The following IARS1 variants were observed in gnomAD, a reference collection of about 807,000 sequenced individuals.
IARS1 encodes isoleucine--tRNA ligase, cytoplasmic.
IARS1 carries 124 observed loss-of-function variants against 168.2 expected under a neutral mutation model. The ratio of observed to expected loss-of-function variants is 0.74; its 90% confidence interval spans 0.64 to 0.86. The LOEUF (loss-of-function observed/expected upper bound fraction) is 0.86. IARS1 is among the 40% of genes least tolerant of loss of function. IARS1 has a pLI of 0.00. For synonymous variants in IARS1, 532 were observed against 529.4 expected, an observed-to-expected ratio of 1.00 and a Z score of -0.07; for missense variants, 1,452 against 1,515.8, an observed-to-expected ratio of 0.96 and a Z score of 0.70.
At chr9:92,292,337 C>T (rs72750468) in intron 1 of IARS1, 4,670 of 152,498 alleles carry the variant, frequency 0.031, 114 homozygotes, top group South Asian at 0.08. Context: ...CTATGCCTGG[C>T]CAGCTCATTC....
At chr9:92,252,012 G>C (rs1176303136) in intron 21 of IARS1, 127 bp from the exon 22 acceptor site, 1 of 721,912 alleles carries the variant, frequency 1.4e-6, no homozygotes, top group Non-Finnish European at 2.3e-6. Context: ...ATGAGACAGA[G>C]AAAGGAGAAA....
At chr9:92,283,283 C>A (rs1298682269) in intron 6 of IARS1, among the ~76,000 whole-genome samples, 1 of 152,176 alleles carries the variant, frequency 6.6e-6, no homozygotes, top group East Asian at 1.9e-4. Context: ...CCTGAAAAGC[C>A]TAAAATATTT....
intron 17 of IARS1, 46 bp from the exon 18 acceptor site, chr9:92,260,280 A>C: frequency 8.7e-7 from 1 of 1,147,990 alleles, no homozygotes; most frequent in Middle Eastern, 1.9e-4. Flanking sequence ...TCAATATCAC[A>C]GATGATCTTG....
chr9:92,223,237 C>T, intron 32 of IARS1, 109 bp downstream of exon 32: 1 of 1,069,794 alleles, frequency 9.3e-7, no homozygotes, highest in South Asian at 2.6e-5. Flanking sequence ...AGAGCCCACA[C>T]TTTAAAGCAA....
intron 13 of IARS1, among the ~76,000 whole-genome samples, chr9:92,268,568 C>T (rs1162837484): frequency 1.3e-5 from 2 of 152,328 alleles, no homozygotes; most frequent in East Asian, 3.9e-4. Context: ...CTGCCACATA[C>T]CTCTAACCAG....
At chr9:92,219,918 G>A (rs1216974274) in intron 33 of IARS1, among the ~76,000 whole-genome samples, 1 of 151,964 alleles carries the variant, frequency 6.6e-6, no homozygotes, top group African/African-American at 2.4e-5. Flanking sequence ...CCATTACTGG[G>A]TACATACCCA....
At chr9:92,229,592 T>C (rs1264344431) in intron 30 of IARS1, among the ~76,000 whole-genome samples, 2 of 152,218 alleles carry the variant, frequency 1.3e-5, no homozygotes, top group African/African-American at 4.8e-5. Context: ...ACCCCTGATG[T>C]TGATTTATTC....
At chr9:92,239,504 T>A (rs907428422) in intron 30 of IARS1, among the ~76,000 whole-genome samples, 4 of 152,200 alleles carry the variant, frequency 2.6e-5, no homozygotes, top group Non-Finnish European at 5.9e-5. Context: ...TTGATTATGA[T>A]ATATGTAGAT....
chr9:92,253,697 T>C (rs561102325), intron 20 of IARS1: 20 of 533,206 alleles, frequency 3.8e-5, no homozygotes, highest in South Asian at 9.4e-5. Flanking sequence ...CGAATTCCCA[T>C]TGGTCAGTGA....
rs879378295 is a variant in IARS1 at position 92,287,897 on chromosome 9, T to G, written c.290A>C (p.Asp97Ala). The part of the protein sequence containing the change: ...CHGLPVEYEI[D>A]KTLGIRGPED... ...TGGTCCTCTGATTCCCAGTGTCTTA[T>G]CAATTTCATATTCCTGAAAATTTGT... Residue 97 changes from aspartate (D) to alanine (A), a missense_variant, in exon 4 of 34, where the codon GAT becomes GCT. Asp to Ala is a moderately radical substitution (Grantham distance 126, BLOSUM62 -2). Coordinates refer to ENST00000443024, the MANE Select transcript of IARS1 (RefSeq NM_002161.6). 1 of 1,613,904 alleles carries G rather than the reference T, an allele frequency of 6.2e-7. No homozygotes were observed.
intron 5 of IARS1, among the ~76,000 whole-genome samples, chr9:92,286,291 T>C (rs1835447138): frequency 6.6e-6 from 1 of 152,180 alleles, no homozygotes; most frequent in African/African-American, 2.4e-5. Flanking sequence ...CGCTTGAACC[T>C]GAGAGGCGGA....
chr9:92,273,836 G>GTGCTACACCA (rs1233464829), intron 10 of IARS1, among the ~76,000 whole-genome samples: 1 of 152,194 alleles, frequency 6.6e-6, no homozygotes, highest in Non-Finnish European at 1.5e-5. Context: ...GTGTATGTAG[G>GTGCTACACCA]TGCTACACCA....
At chr9:92,270,355 A>C (rs1341038709) in intron 12 of IARS1, among the ~76,000 whole-genome samples, 3 of 152,208 alleles carry the variant, frequency 2.0e-5, no homozygotes, top group Non-Finnish European at 4.4e-5. Context: ...GGTTAAAATC[A>C]TATTAAATTT....
At chr9:92,290,488 G>A (rs886616615) in intron 1 of IARS1, among the ~76,000 whole-genome samples, 7 of 151,956 alleles carry the variant, frequency 4.6e-5, no homozygotes, top group African/African-American at 1.7e-4. Flanking sequence ...CTGTTCTGTG[G>A]GCCGTCTTTT....
At chr9:92,256,564 A>T in intron 20 of IARS1, 116 bp downstream of exon 20, 1 of 1,095,338 alleles carries the variant, frequency 9.1e-7, no homozygotes, top group East Asian at 2.5e-5. Flanking sequence ...GAGAGGTAAA[A>T]GGAAACAATT....
intron 30 of IARS1, among the ~76,000 whole-genome samples, chr9:92,236,433 G>A (rs1249969710): frequency 1.3e-5 from 2 of 152,142 alleles, no homozygotes; most frequent in Admixed American, 6.5e-5. Context: ...AGTGAAACTG[G>A]GCCTGGAGAT....
chr9:92,247,599 T>C (rs750985631), intron 25 of IARS1, 48 bp from the exon 26 acceptor site: 12 of 1,549,852 alleles, frequency 7.7e-6, no homozygotes, highest in Non-Finnish European at 1.1e-5. Context: ...TGAAAACATA[T>C]GTTCACACAA....
In IARS1 at chr9:92,264,966, C is replaced by T; in HGVS notation, c.1663G>A (p.Asp555Asn). 1 of 1,614,098 alleles carries T rather than the reference C, an allele frequency of 6.2e-7. No individual in the cohort carries two copies. The highest frequency in any genetic ancestry group is 8.5e-7 in the Non-Finnish European group (1 of 1,179,984). The change falls in exon 16 of 34, where the codon GAT becomes AAT. Residue 555 changes from aspartate to asparagine, a missense_variant. Asp to Asn is a conservative substitution (Grantham distance 23, BLOSUM62 1). Transcript: ENST00000443024. ...KREFEDAFPA[D>N]FIAEGIDQTR... ...TGGTCGATGCCCTCGGCAATGAAATCTGCAGGAAAAGCATCCTCAAACTCC... is the reference window on the plus strand; with the variant it reads ...TGGTCGATGCCCTCGGCAATGAAATTTGCAGGAAAAGCATCCTCAAACTCC...
chr9:92,260,892 T>A (rs912759287), intron 17 of IARS1, among the ~76,000 whole-genome samples: 1 of 152,194 alleles, frequency 6.6e-6, no homozygotes, highest in African/African-American at 2.4e-5. Context: ...CCAGATGTCC[T>A]TCAAGAGGTG....
Sources: gnomAD v4.1 joint callset for allele counts (sites outside exome capture counted in the v4.1 genomes callset) on GRCh38, gnomAD v4.1.1 for gene constraint, MANE v1.5 for transcripts, NCBI Gene and HGNC (gene_info 2026-07-23, HGNC 2026-07-21) for gene names.